Variants in CRABP2 observed in about 807,000 individuals in gnomAD.
CRABP2 encodes the protein cellular retinoic acid-binding protein 2.
CRABP2 carries 20 observed loss-of-function variants against 17.9 expected under a neutral mutation model. The observed-to-expected ratio is 1.12, with a 90% CI of 0.79 to 1.63. The LOEUF is 1.63. Ranked by LOEUF, CRABP2 falls within the 40% of genes most tolerant of loss-of-function variation. The pLI is 0.00. For missense variants in CRABP2, 151 were observed against 168.6 expected, an observed-to-expected ratio of 0.90 and a Z score of 0.58; for synonymous variants, 76 against 66.4, an observed-to-expected ratio of 1.14 and a Z score of -0.70.
chr1:156,701,723 C>T (rs535438798), intron 1 of CRABP2, among the ~76,000 whole-genome samples: 1 of 152,266 alleles, frequency 6.6e-6, no homozygotes, highest in East Asian at 1.9e-4. Context: ...GGAGTAAGGT[C>T]CAGGAGGCTG....
At chr1:156,704,461 T>C (rs559675432) in intron 1 of CRABP2, among the ~76,000 whole-genome samples, 1 of 152,028 alleles carries the variant, frequency 6.6e-6, no homozygotes, top group East Asian at 1.9e-4. Flanking sequence ...AACGTCCATC[T>C]CTCCCCCAGA....
chr1:156,701,006 C>T lies in CRABP2; in HGVS notation c.117G>A (p.Lys39=), dbSNP rs201634899. Residue 39 remains lysine (K), a synonymous_variant, in exon 2 of 4, where the codon AAG becomes AAA. Transcript: ENST00000368222. ...LRKIAVAAAS[K]PAVEIKQEGD... Reference sequence around the variant, plus strand: ...CCTCCTGTTTGATCTCCACTGCTGGCTTGGACGCTGCAGCCACAGCAATCT... The same window carrying T: ...CCTCCTGTTTGATCTCCACTGCTGGTTTGGACGCTGCAGCCACAGCAATCT... 6.2e-7 allele frequency: 1 copy of T among 1,614,196 alleles called. No individual in the cohort carries two copies. Among genetic ancestry groups the T allele is most frequent in the African/African-American group, 1.3e-5 (1 of 75,054 alleles).
intron 1 of CRABP2, among the ~76,000 whole-genome samples, 169 bp from the exon 2 acceptor site, chr1:156,701,221 C>A (rs78750032): frequency 1.3e-5 from 2 of 152,058 alleles, no homozygotes. Flanking sequence ...TTGAAGGAGA[C>A]GGTAGGCGGT....
intron 1 of CRABP2, among the ~76,000 whole-genome samples, chr1:156,704,341 C>T (rs904377573): frequency 1.3e-5 from 2 of 152,216 alleles, no homozygotes; most frequent in Middle Eastern, 3.4e-3. Context: ...GGGGTGCCTT[C>T]CCTCCCTCCC....
chr1:156,701,698 G>A (rs574504937), intron 1 of CRABP2, among the ~76,000 whole-genome samples: 2 of 152,300 alleles, frequency 1.3e-5, no homozygotes, highest in African/African-American at 4.8e-5. Context: ...AGCAGCCTGG[G>A]AAGACAGAGG....
Position 156,699,726 on chromosome 1 carries a change from CT to C in CRABP2, c.*299del. On this transcript the variant is annotated 3_prime_UTR_variant, in exon 4 of 4. Coordinates refer to ENST00000368222, the MANE Select transcript of CRABP2 (RefSeq NM_001878.4). The stretch of plus-strand genomic sequence containing the variant: ...TTTCCTGCTCAGGCCCTCAAGTCCC[CT>C]TTAGAGAGACCCTGCTCTGGGCTGG... 1 of 423,102 alleles carries C rather than the reference CT, an allele frequency of 2.4e-6. No homozygotes were observed. Among genetic ancestry groups the C allele is most frequent in the South Asian group, 3.7e-5 (1 of 26,702 alleles). The allele number at this position is 423,102 out of a possible 1,614,324, so 26.2% of individuals were successfully genotyped here.
At position 156,700,882 on chromosome 1, in the gene CRABP2, G is replaced by C; in HGVS notation, c.241C>G (p.Pro81Ala). The C allele has an allele frequency of 6.2e-7, 1 of 1,613,554 alleles. No individual in the cohort carries two copies. Among genetic ancestry groups the C allele is most frequent in the Non-Finnish European group, 8.5e-7 (1 of 1,179,592 alleles). Residue 81 changes from proline (P) to alanine (A), a missense_variant, in exon 2 of 4, where the codon CCC becomes GCC. Physicochemically the swap from Pro to Ala is conservative, Grantham distance 27. Coordinates refer to ENST00000368222, the MANE Select transcript of CRABP2 (RefSeq NM_001878.4). ...CCCCTTCTGGCACTCACCTTACAGG[G>C]CCTCCCATCCACAGTCTGCTCCTCA... The part of the protein sequence containing the change: ...EFEEQTVDGR[P>A]CKSLVKWESE...
Position 156,699,796 on chromosome 1 carries a change from C to A in CRABP2, c.*230G>T, listed in dbSNP as rs371988053. The A allele has an allele frequency of 1.1e-5, 6 of 543,388 alleles. No individual in the cohort carries two copies. Among genetic ancestry groups the A allele is most frequent in the Middle Eastern group, 1.0e-3 (2 of 1,968 alleles). 33.7% of individuals were successfully genotyped at this position (543,388 alleles called of 1,614,324 possible). ...GACTTGGGGAGGCGGGGAGTGAACCCGGAATGGGTGATCTGGGCTCTTGCA... is the reference window on the plus strand; with the variant it reads ...GACTTGGGGAGGCGGGGAGTGAACCAGGAATGGGTGATCTGGGCTCTTGCA... On this transcript the variant is annotated 3_prime_UTR_variant, in exon 4 of 4. Transcript: ENST00000368222.
chr1:156,702,400 T>C (rs1482264489), intron 1 of CRABP2, among the ~76,000 whole-genome samples: 1 of 151,926 alleles, frequency 6.6e-6, no homozygotes, highest in East Asian at 1.9e-4. Context: ...GAGGTTGCAG[T>C]GAGCCAAGAT....
chr1:156,700,043 C>T lies in CRABP2; in HGVS notation c.400G>A (p.Val134Ile), dbSNP rs907393017. Residue 134 changes from valine (V) to isoleucine (I), a missense_variant, in exon 4 of 4, where the codon GTC (valine) becomes ATC (isoleucine). Coordinates refer to ENST00000368222, the MANE Select transcript of CRABP2 (RefSeq NM_001878.4). Reference protein sequence around the residue: ...MTADDVVCTRVYVRE With the variant: ...MTADDVVCTRIYVRE Reference sequence around the variant, plus strand: ...GTGGCCACTCACTCTCGGACGTAGACCCTGGTGCACACAACGTCATCCGCC... The same window carrying T: ...GTGGCCACTCACTCTCGGACGTAGATCCTGGTGCACACAACGTCATCCGCC... 1.2e-6 allele frequency: 2 copies of T among 1,613,576 alleles called. No homozygotes were observed. Among genetic ancestry groups the T allele is most frequent in the African/African-American group, 2.7e-5 (2 of 75,022 alleles).
intron 1 of CRABP2, 59 bp from the exon 2 acceptor site, chr1:156,701,111 C>A: frequency 6.4e-7 from 1 of 1,571,010 alleles, no homozygotes; most frequent in Non-Finnish European, 8.7e-7. Context: ...CTCTCACACC[C>A]TCCCCATAAG....
At chr1:156,702,013 C>T (rs1387364855) in intron 1 of CRABP2, among the ~76,000 whole-genome samples, 1 of 151,420 alleles carries the variant, frequency 6.6e-6, no homozygotes, top group African/African-American at 2.4e-5. Flanking sequence ...CGCAGTTGCT[C>T]ACACCTGTAA....
chr1:156,704,896 C>T (rs1320145492), intron 1 of CRABP2, among the ~76,000 whole-genome samples: 1 of 147,346 alleles, frequency 6.8e-6, no homozygotes, highest in African/African-American at 2.5e-5. Flanking sequence ...AGCTGGGCGC[C>T]GAGGGGTAAT....
chr1:156,700,393 G>A, intron 3 of CRABP2, 149 bp downstream of exon 3: 2 of 708,938 alleles, frequency 2.8e-6, no homozygotes, highest in Non-Finnish European at 5.1e-6. Flanking sequence ...TATGGGATAG[G>A]GACACCTTAG....
At chr1:156,703,477 T>C (rs1489003010) in intron 1 of CRABP2, among the ~76,000 whole-genome samples, 1 of 152,190 alleles carries the variant, frequency 6.6e-6, no homozygotes, top group African/African-American at 2.4e-5. Context: ...CGCCCTGTCC[T>C]GGAGTAGAGC....
chr1:156,705,098 C>A lies in CRABP2; in HGVS notation c.70+279G>T, dbSNP rs991666821. 5.3e-5 allele frequency among the ~76,000 whole-genome samples: 8 copies of A among 152,232 alleles called. No individual in the cohort carries two copies. Among genetic ancestry groups the A allele is most frequent in the African/African-American group, 1.4e-4 (6 of 41,462 alleles). ...GCCGAGTCCGGCCGCTGAGGCCAGCCTCCCCTTCCCCCAGAGGCCAACCTC... is the reference window on the plus strand; with the variant it reads ...GCCGAGTCCGGCCGCTGAGGCCAGCATCCCCTTCCCCCAGAGGCCAACCTC... On this transcript the variant is annotated intron_variant, in intron 1 of 3. Coordinates refer to ENST00000368222, the MANE Select transcript of CRABP2 (RefSeq NM_001878.4). The surrounding 1 kb of genome is among the most constrained non-coding windows in gnomAD (Gnocchi z 5.2).
Position 156,705,268 on chromosome 1 carries a change from C to T in CRABP2, c.70+109G>A, listed in dbSNP as rs1412793269. On this transcript the variant is annotated intron_variant, in intron 1 of 3. Transcript: ENST00000368222. The surrounding 1 kb of genome is among the most constrained non-coding windows in gnomAD (Gnocchi z 5.2). ...CTGGCACGTTTTTCGGGGATGCAGG[C>T]ACCCAGTGTCTCACGCCCTGATTGT... The T allele has an allele frequency of 1.6e-5, 19 of 1,206,738 alleles. No individual in the cohort carries two copies. The highest frequency in any genetic ancestry group is 7.0e-5 in the East Asian group (3 of 42,630). 74.8% of individuals were successfully genotyped at this position (1,206,738 alleles called of 1,614,324 possible).
chr1:156,705,767 C>A (rs1465997377), upstream of CRABP2: 8 of 316,208 alleles, frequency 2.5e-5, no homozygotes, highest in East Asian at 4.2e-4. The surrounding 1 kb of genome is among the most constrained non-coding windows in gnomAD (Gnocchi z 5.2). Context: ...TAGCCTTCTC[C>A]TGCGCTAGTA....
In CRABP2 at chr1:156,705,531, G is replaced by T; in HGVS notation, c.-85C>A. On this transcript the variant is annotated 5_prime_UTR_variant, in exon 1 of 4. Transcript: ENST00000368222. This position sits in a 1 kb window ranked among gnomAD's most constrained non-coding sequence, Gnocchi z 5.2. ...TTTAGTCAAAAGAGACGTCGCCGTC[G>T]CCGGGTCGTCAGGTTCTGGAACCAA... 1.3e-6 allele frequency: 2 copies of T among 1,486,722 alleles called. No individual in the cohort carries two copies. The highest frequency in any genetic ancestry group is 2.3e-5 in the East Asian group (1 of 44,170). The allele number at this position is 1,486,722 out of a possible 1,614,324, so 92.1% of individuals were successfully genotyped here.
Sources: gnomAD v4.1 joint callset for allele counts (sites outside exome capture counted in the v4.1 genomes callset) on GRCh38, gnomAD v4.1.1 for gene constraint, Gnocchi (gnomAD v3.1) non-coding constraint, MANE v1.5 for transcripts, NCBI Gene and HGNC (gene_info 2026-07-23, HGNC 2026-07-21) for gene names.